PMFBP1: variants seen among roughly 807,000 people sequenced by gnomAD.
The protein encoded by PMFBP1 is polyamine-modulated factor 1-binding protein 1.
PMFBP1 carries 131 observed loss-of-function variants against 137.8 expected under a neutral mutation model. The ratio of observed to expected loss-of-function variants is 0.95; its 90% CI spans 0.82 to 1.10. PMFBP1 has a LOEUF of 1.10. Among genes scored for constraint, PMFBP1 ranks in the 50% least tolerant of loss-of-function variants. The probability of loss-of-function intolerance (pLI) is 0.00; values close to 1 mark genes in which losing one functional copy is unlikely to be tolerated. For missense variants in PMFBP1, 1,199 were observed against 1,175.4 expected (o/e 1.02, Z -0.29); for synonymous variants, 490 against 450.4 (o/e 1.09, Z -1.11).
chr16:72,218,359 C>G, the PMFBP1 span, among the ~76,000 whole-genome samples: 1 of 151,798 alleles, frequency 6.6e-6, no homozygotes, highest in Non-Finnish European at 1.5e-5. Context: ...TTTTTTGAGA[C>G]TTGAGTCGTC....
chr16:72,213,574 G>A, the PMFBP1 span, among the ~76,000 whole-genome samples: 1 of 152,138 alleles, frequency 6.6e-6, no homozygotes, highest in Admixed American at 6.5e-5. Context: ...AACTTTGAGA[G>A]GACTACAGTC....
the PMFBP1 span, among the ~76,000 whole-genome samples, chr16:72,190,239 T>G: frequency 0.019 from 2,916 of 152,052 alleles, 43 homozygotes; most frequent in Non-Finnish European, 0.025. Context: ...AAGGAGGGGG[T>G]TGGTTTTAGG....
intron 12 of PMFBP1, 56 bp from the exon 13 acceptor site, chr16:72,129,289 G>T (rs1298766918): frequency 3.2e-6 from 5 of 1,554,366 alleles, no homozygotes; most frequent in Non-Finnish European, 4.3e-6. Flanking sequence ...ATATTTGGGG[G>T]AAAAATACAG....
At chr16:72,178,178 G>A (rs1263710992), upstream of PMFBP1, among the ~76,000 whole-genome samples, 6 of 152,110 alleles carry the variant, frequency 3.9e-5, no homozygotes, top group Non-Finnish European at 4.4e-5. Flanking sequence ...TCTCTGTGCT[G>A]AGATTGAGGC....
intron 20 of PMFBP1, 183 bp from the exon 21 acceptor site, chr16:72,119,537 G>T: frequency 1.4e-6 from 2 of 1,471,554 alleles, no homozygotes; most frequent in South Asian, 2.9e-5. Flanking sequence ...GGTGGCTGGG[G>T]TGCTCTTACG....
At chr16:72,246,690 G>A in the PMFBP1 span, among the ~76,000 whole-genome samples, 1 of 151,916 alleles carries the variant, frequency 6.6e-6, no homozygotes, top group Non-Finnish European at 1.5e-5. Flanking sequence ...TAGAACGCTC[G>A]CTGTATAGGA....
intron 9 of PMFBP1, among the ~76,000 whole-genome samples, chr16:72,135,850 G>T (rs2042622869): frequency 6.7e-6 from 1 of 149,070 alleles, no homozygotes; most frequent in African/African-American, 2.5e-5. Flanking sequence ...GGCTCAAGGG[G>T]CTCATGTGAT....
At chr16:72,184,890 C>T in the PMFBP1 span, among the ~76,000 whole-genome samples, 3 of 152,252 alleles carry the variant, frequency 2.0e-5, no homozygotes, top group Non-Finnish European at 4.4e-5. Context: ...CCCAATACTA[C>T]TGCCCACTCC....
intron 10 of PMFBP1, 67 bp from the exon 11 acceptor site, chr16:72,130,789 G>T: frequency 7.0e-7 from 1 of 1,436,908 alleles, no homozygotes; most frequent in Non-Finnish European, 9.2e-7. Flanking sequence ...TTATCAGCCT[G>T]GCTGAAGAGT....
upstream of PMFBP1, among the ~76,000 whole-genome samples, chr16:72,175,760 T>C (rs1296680193): frequency 6.6e-6 from 1 of 152,218 alleles, no homozygotes; most frequent in Admixed American, 6.5e-5. Flanking sequence ...TTCTCCAATG[T>C]TCTACCTCCT....
rs147563947 is a variant in PMFBP1, at chr16:72,140,472, G to C, written c.747C>G (p.Val249=). ...CTTGAATGAGATCATCCTGTTGAGA[G>C]ACCTTTTGCCAGACTTCAGACAGTC... ...QKRLSEVWQK[V]SQQDDLIQEL... is the part of the protein sequence containing the mutation. The change falls in exon 6 of 21, where the codon GTC becomes GTG. Residue 249 remains valine (V), a synonymous_variant. Coordinates refer to ENST00000237353, the MANE Select transcript of PMFBP1 (RefSeq NM_031293.3). The C allele has an allele frequency of 1.2e-4, 199 of 1,613,920 alleles. No homozygotes were observed. The highest frequency in any genetic ancestry group is 1.5e-4 in the Non-Finnish European group (174 of 1,179,912).
intron 5 of PMFBP1, among the ~76,000 whole-genome samples, chr16:72,142,907 T>G (rs540764563): frequency 1.3e-5 from 2 of 152,152 alleles, no homozygotes; most frequent in South Asian, 2.1e-4. Flanking sequence ...GCACAAAAAT[T>G]TAGGCCATCA....
chr16:72,174,143 CTACT>C (rs2043245831), upstream of PMFBP1: 2 of 152,230 alleles, frequency 1.3e-5, no homozygotes, highest in African/African-American at 4.8e-5. Flanking sequence ...TTCCCTCAGT[CTACT>C]ATCAGAGCAC....
chr16:72,136,958 G>A (rs752069066), intron 7 of PMFBP1, 139 bp from the exon 8 acceptor site: 34 of 1,170,444 alleles, frequency 2.9e-5, no homozygotes, highest in African/African-American at 6.1e-5. Flanking sequence ...GGGGATGGGT[G>A]TGCGGAGTGA....
the PMFBP1 span, among the ~76,000 whole-genome samples, chr16:72,228,192 G>A: frequency 1.1e-4 from 16 of 152,148 alleles, no homozygotes; most frequent in Admixed American, 7.2e-4. Context: ...TTCTCCCACC[G>A]TCGTTGACAT....
the PMFBP1 span, among the ~76,000 whole-genome samples, chr16:72,240,946 CAA>C: frequency 0.064 from 9,569 of 149,758 alleles, 340 homozygotes; most frequent in Middle Eastern, 0.096. Flanking sequence ...GGAGAGCGTG[CAA>C]GAGAGAGAGA....
At chr16:72,221,279 C>T in the PMFBP1 span, among the ~76,000 whole-genome samples, 7 of 152,130 alleles carry the variant, frequency 4.6e-5, no homozygotes, top group Non-Finnish European at 1.0e-4. Flanking sequence ...CCGCCTCCAA[C>T]ATCATTAAGA....
chr16:72,156,373 C>T (rs2042980554), intron 3 of PMFBP1, among the ~76,000 whole-genome samples: 1 of 151,448 alleles, frequency 6.6e-6, no homozygotes, highest in Non-Finnish European at 1.5e-5. Flanking sequence ...AATCCCAGGA[C>T]TTTGGGAGGC....
At chr16:72,121,475 C>A (rs1235955933) in intron 19 of PMFBP1, among the ~76,000 whole-genome samples, 2 of 152,226 alleles carry the variant, frequency 1.3e-5, no homozygotes, top group African/African-American at 2.4e-5. Flanking sequence ...CAGCCATGTA[C>A]CTAAGGCCAA....
Sources: gnomAD v4.1 joint callset for allele counts (sites outside exome capture counted in the v4.1 genomes callset) on GRCh38, gnomAD v4.1.1 for gene constraint, MANE v1.5 for transcripts, NCBI Gene and HGNC (gene_info 2026-07-23, HGNC 2026-07-21) for gene names.